Variants in ADCK1 observed in about 807,000 individuals in gnomAD.
ADCK1 encodes aarF domain-containing protein kinase 1.
ADCK1 carries 41 observed loss-of-function variants against 52.3 expected under a neutral mutation model. The ratio of observed to expected loss-of-function variants is 0.78; its 90% CI spans 0.61 to 1.02. The LOEUF (loss-of-function observed/expected upper bound fraction) is 1.02, where lower values mean the gene tolerates loss of function less well. Ranked by LOEUF, ADCK1 falls within the 50% of genes least tolerant of loss-of-function variation. The probability of loss-of-function intolerance (pLI) is 0.00; values close to 1 mark genes in which losing one functional copy is unlikely to be tolerated. For synonymous variants in ADCK1, 250 were observed against 274.6 expected, an observed-to-expected ratio of 0.91 and a Z score of 0.89; for missense variants, 658 against 679.5, an observed-to-expected ratio of 0.97 and a Z score of 0.35.
intron 3 of ADCK1, among the ~76,000 whole-genome samples, chr14:77,836,090 T>C (rs1276483268): frequency 5.3e-5 from 8 of 152,218 alleles, no homozygotes; most frequent in Non-Finnish European, 7.3e-5. Flanking sequence ...GGAATAATGC[T>C]GTTACCGTGG....
At chr14:77,909,147 T>C (rs1223681615) in intron 7 of ADCK1, among the ~76,000 whole-genome samples, 1 of 150,500 alleles carries the variant, frequency 6.6e-6, no homozygotes, top group African/African-American at 2.5e-5. Context: ...TTTTTTTTTT[T>C]TCCCTGAGAC....
At chr14:77,815,212 T>C (rs1041337214) in intron 1 of ADCK1, among the ~76,000 whole-genome samples, 2 of 151,080 alleles carry the variant, frequency 1.3e-5, no homozygotes, top group African/African-American at 4.9e-5. Context: ...TTTTTTTTTT[T>C]TTTTTCTTTA....
intron 1 of ADCK1, among the ~76,000 whole-genome samples, chr14:77,809,074 T>G (rs1389875634): frequency 6.6e-6 from 1 of 152,078 alleles, no homozygotes; most frequent in African/African-American, 2.4e-5. Flanking sequence ...GGAGGTATAT[T>G]TTGGGAGAAA....
At chr14:77,837,525 A>T (rs1308771373) in intron 3 of ADCK1, among the ~76,000 whole-genome samples, 1 of 152,220 alleles carries the variant, frequency 6.6e-6, no homozygotes. Context: ...GAACATGGAC[A>T]TATTGTTTTG....
chr14:77,852,573 T>A (rs148990932), intron 3 of ADCK1, among the ~76,000 whole-genome samples: 1 of 148,000 alleles, frequency 6.8e-6, no homozygotes, highest in East Asian at 2.0e-4. Flanking sequence ...TGCTTGGGGC[T>A]TGTTGAGGTC....
intron 3 of ADCK1, among the ~76,000 whole-genome samples, chr14:77,829,917 G>T (rs1172318251): frequency 1.3e-5 from 2 of 151,056 alleles, no homozygotes; most frequent in South Asian, 2.1e-4. Flanking sequence ...AGCGTGATGG[G>T]TGAAATTTTG....
intron 5 of ADCK1, among the ~76,000 whole-genome samples, chr14:77,889,939 T>C (rs939413207): frequency 1.4e-5 from 2 of 138,566 alleles, no homozygotes; most frequent in African/African-American, 2.7e-5. Context: ...GAAAAAAAAC[T>C]GTGCAAAACA....
At position 77,933,411 on chromosome 14, in the gene ADCK1, C is replaced by A. The variant is rs764250491; in HGVS notation, c.*20C>A. 1 of 1,611,228 alleles carries A rather than the reference C, an allele frequency of 6.2e-7. No individual in the cohort carries two copies. Among genetic ancestry groups the A allele is most frequent in the African/African-American group, 1.3e-5 (1 of 74,848 alleles). On this transcript the variant is annotated 3_prime_UTR_variant, in exon 11 of 11. Coordinates refer to ENST00000238561, the MANE Select transcript of ADCK1 (RefSeq NM_020421.4). ...CTCTGAGTGGAATTGCTCTCCCTGCCCCATTCTGGTGTCTTTCCACTCCTC... is the reference window on the plus strand; with the variant it reads ...CTCTGAGTGGAATTGCTCTCCCTGCACCATTCTGGTGTCTTTCCACTCCTC...
intron 5 of ADCK1, among the ~76,000 whole-genome samples, chr14:77,888,033 A>T (rs1217213156): frequency 6.6e-6 from 1 of 152,048 alleles, no homozygotes. Context: ...GGTGCTGGGG[A>T]CATGAGAGTG....
At chr14:77,891,208 C>G (rs923394409) in intron 5 of ADCK1, among the ~76,000 whole-genome samples, 1 of 152,166 alleles carries the variant, frequency 6.6e-6, no homozygotes, top group Non-Finnish European at 1.5e-5. Flanking sequence ...AGGTTTGGAA[C>G]AGCTACTGTG....
chr14:77,829,293 AG>A lies in ADCK1; in HGVS notation c.219+6776del, dbSNP rs1390969637. Among the ~76,000 whole-genome samples, 10 of 84,554 alleles carry A rather than the reference AG, an allele frequency of 1.2e-4. 1 individual carries two copies. Among genetic ancestry groups the A allele is most frequent in the Admixed American group, 1.4e-4 (1 of 7,292 alleles). 55.5% of individuals were successfully genotyped at this position (84,554 alleles called of 152,430 possible). ...CTTCTGTCTTTCTACTAAAAAACTA[AG>A]ATTTTTTTTTTTTTTGAGACATGGT... On this transcript the variant is annotated intron_variant, in intron 3 of 10. Transcript: ENST00000238561.
intron 6 of ADCK1, among the ~76,000 whole-genome samples, chr14:77,907,180 C>G (rs1262835706): frequency 1.3e-5 from 2 of 152,150 alleles, no homozygotes; most frequent in African/African-American, 4.8e-5. Flanking sequence ...TCCCAAAGTG[C>G]TGGGATTATA....
At chr14:77,905,304 G>GTTTTTTTTTTTTTTTTTTTTTTTTTTT (rs58057378) in intron 6 of ADCK1, among the ~76,000 whole-genome samples, 6 of 96,276 alleles carry the variant, frequency 6.2e-5, no homozygotes, top group African/African-American at 8.7e-5. Context: ...TTCCTAGCTG[G>GTTTTTTTTTTTTTTTTTTTTTTTTTTT]TTTTTTTTTT....
intron 7 of ADCK1, among the ~76,000 whole-genome samples, chr14:77,914,020 T>C (rs1037047665): frequency 2.6e-5 from 4 of 152,100 alleles, no homozygotes; most frequent in Non-Finnish European, 4.4e-5. Context: ...GATCTAGGGG[T>C]TTAGCTGGTA....
rs1481982160 is a variant in ADCK1, at chr14:77,822,463, C to T, written c.164C>T (p.Thr55Ile). ...TTAVISYDYL[T>I]SLKSVPYGSE... Reference sequence around the variant, plus strand: ...GCTGTCATCAGTTACGACTACCTCACTTCCCTGAAGAGTGTCCCTTATGGC... The same window carrying T: ...GCTGTCATCAGTTACGACTACCTCATTTCCCTGAAGAGTGTCCCTTATGGC... The change falls in exon 3 of 11, where the codon ACT becomes ATT. Residue 55 changes from threonine to isoleucine, a missense_variant. Coordinates refer to ENST00000238561, the MANE Select transcript of ADCK1 (RefSeq NM_020421.4). 1 of 1,614,148 alleles carries T rather than the reference C, an allele frequency of 6.2e-7. No homozygotes were observed. The highest frequency in any genetic ancestry group is 1.7e-5 in the Admixed American group (1 of 60,016).
chr14:77,861,195 G>A (rs1164685001), intron 4 of ADCK1, among the ~76,000 whole-genome samples: 1 of 152,186 alleles, frequency 6.6e-6, no homozygotes, highest in African/African-American at 2.4e-5. Flanking sequence ...TACTGTCCAT[G>A]TCATGGTTCT....
intron 7 of ADCK1, among the ~76,000 whole-genome samples, chr14:77,911,425 C>T (rs1176291061): frequency 2.0e-5 from 3 of 152,226 alleles, no homozygotes; most frequent in Non-Finnish European, 4.4e-5. Context: ...CCTGGAGCCA[C>T]TTGGTAACTA....
In ADCK1 at chr14:77,841,060, G is replaced by C. The variant is rs186973518; in HGVS notation, c.220-18016G>C. ...TGGACATGTACATCTCAGGTGGCAA[G>C]GGCATTATTCTGACTTCCACAGTGA... On this transcript the variant is annotated intron_variant, in intron 3 of 10. Coordinates refer to ENST00000238561, the MANE Select transcript of ADCK1 (RefSeq NM_020421.4). Among the ~76,000 whole-genome samples the C allele has an allele frequency of 1.6e-3, 248 of 152,300 alleles. 1 individual carries two copies. The highest frequency in any genetic ancestry group is 1.6e-3 in the Non-Finnish European group (112 of 68,036).
chr14:77,870,350 A>G (rs1218355915), intron 4 of ADCK1, among the ~76,000 whole-genome samples: 1 of 152,244 alleles, frequency 6.6e-6, no homozygotes, highest in Non-Finnish European at 1.5e-5. Context: ...GACGTTAAAG[A>G]GAGCCATAGG....
Sources: gnomAD v4.1 joint callset for allele counts (sites outside exome capture counted in the v4.1 genomes callset) on GRCh38, gnomAD v4.1.1 for gene constraint, MANE v1.5 for transcripts, NCBI Gene and HGNC (gene_info 2026-07-23, HGNC 2026-07-21) for gene names.